ZFHX4: variants seen among roughly 807,000 people sequenced by gnomAD.
ZFHX4 encodes zinc finger homeobox protein 4.
Under a neutral mutation model 267.6 loss-of-function variants are expected in ZFHX4, and 56 were observed. That is an observed-to-expected ratio of 0.21 (90% confidence interval 0.17 to 0.26). The LOEUF is 0.26. ZFHX4 is among the 10% of genes least tolerant of loss of function. ZFHX4 has a pLI of 1.00. For synonymous variants in ZFHX4, 1,778 were observed against 1,665.6 expected, an observed-to-expected ratio of 1.07 and a Z score of -1.64; for missense variants, 4,332 against 4,420.0, an observed-to-expected ratio of 0.98 and a Z score of 0.56.
At position 76,706,140 on chromosome 8, in the gene ZFHX4, C is replaced by G; in HGVS notation, c.2052C>G (p.Pro684=). 1 of 1,613,936 alleles carries G rather than the reference C, an allele frequency of 6.2e-7. No homozygotes were observed. The highest frequency in any genetic ancestry group is 8.5e-7 in the Non-Finnish European group (1 of 1,179,906). Reference sequence around the variant, plus strand: ...ATTGTAAGACTGGACAGCCTCACCCCAGGCTTGCCCGGGGTGAGAGTTACA... The same window carrying G: ...ATTGTAAGACTGGACAGCCTCACCCGAGGCTTGCCCGGGGTGAGAGTTACA... ...CVYCKTGQPH[P]RLARGESYTC... is the part of the protein sequence containing the mutation. Residue 684 remains proline, a synonymous_variant, in exon 2 of 11, where the codon CCC becomes CCG. Transcript: ENST00000651372.
chr8:76,726,007 G>A (rs564454016), intron 3 of ZFHX4, among the ~76,000 whole-genome samples: 37 of 152,260 alleles, frequency 2.4e-4, no homozygotes, highest in Non-Finnish European at 4.1e-4. Flanking sequence ...GGGGCAGTTT[G>A]TTGTAACATA....
intron 6 of ZFHX4, among the ~76,000 whole-genome samples, chr8:76,847,218 A>G (rs2131928529): frequency 6.6e-6 from 1 of 152,286 alleles, no homozygotes; most frequent in East Asian, 1.9e-4. Context: ...TCCAAAGTAT[A>G]TTCAGCTTTG....
chr8:76,722,361 T>A (rs1808744145), intron 3 of ZFHX4, among the ~76,000 whole-genome samples: 1 of 152,176 alleles, frequency 6.6e-6, no homozygotes, highest in Non-Finnish European at 1.5e-5. Flanking sequence ...TCAGTATTTA[T>A]GTCTATGAAC....
chr8:76,819,453 A>G (rs1270225735), intron 4 of ZFHX4, among the ~76,000 whole-genome samples: 2 of 152,174 alleles, frequency 1.3e-5, no homozygotes, highest in Admixed American at 6.5e-5. Flanking sequence ...TAAGTGTTCA[A>G]TATGTACTCC....
chr8:76,746,258 T>G (rs901827122), intron 3 of ZFHX4, among the ~76,000 whole-genome samples: 2 of 152,054 alleles, frequency 1.3e-5, no homozygotes, highest in Non-Finnish European at 2.9e-5. Context: ...ATTAAAAAAA[T>G]TAGCTGGGTA....
At chr8:76,729,823 C>T (rs1302079393) in intron 3 of ZFHX4, among the ~76,000 whole-genome samples, 1 of 152,134 alleles carries the variant, frequency 6.6e-6, no homozygotes, top group African/African-American at 2.4e-5. Context: ...TGCTTGCAGC[C>T]AGCCTGTATG....
chr8:76,794,668 C>T (rs1810924907), intron 4 of ZFHX4, among the ~76,000 whole-genome samples: 1 of 152,154 alleles, frequency 6.6e-6, no homozygotes, highest in South Asian at 2.1e-4. Context: ...ATTCTCCTTT[C>T]ACTTTTTAGA....
At chr8:76,838,950 G>A (rs2131905872) in intron 5 of ZFHX4, among the ~76,000 whole-genome samples, 1 of 152,068 alleles carries the variant, frequency 6.6e-6, no homozygotes, top group East Asian at 1.9e-4. Flanking sequence ...AGCCACTTGG[G>A]AGGCTGAGGT....
intron 3 of ZFHX4, among the ~76,000 whole-genome samples, chr8:76,719,248 A>G (rs978394708): frequency 2.0e-5 from 3 of 151,494 alleles, no homozygotes; most frequent in Non-Finnish European, 4.4e-5. Context: ...ATTAAAATTG[A>G]TGAAGATTAT....
At chr8:76,830,607 G>A (rs1309830798) in intron 4 of ZFHX4, among the ~76,000 whole-genome samples, 1 of 152,090 alleles carries the variant, frequency 6.6e-6, no homozygotes, top group Non-Finnish European at 1.5e-5. Flanking sequence ...TTTGTATGAA[G>A]AGATAAACAT....
chr8:76,852,150 A>G lies in ZFHX4; in HGVS notation c.5229A>G (p.Ile1743Met). The G allele has an allele frequency of 6.2e-7, 1 of 1,613,886 alleles. No individual in the cohort carries two copies. The highest frequency in any genetic ancestry group is 8.5e-7 in the Non-Finnish European group (1 of 1,179,870). ...QQPQFLFPFY[I>M]PGTEFSLGPD... Reference sequence around the variant, plus strand: ...CTCAGTTTCTCTTTCCATTTTATATACCTGGGACGGAGTTCAGCTTGGGGC... The same window carrying G: ...CTCAGTTTCTCTTTCCATTTTATATGCCTGGGACGGAGTTCAGCTTGGGGC... The change falls in exon 10 of 11, where the codon ATA becomes ATG. Residue 1743 changes from isoleucine (I) to methionine (M), a missense_variant. By Grantham distance (10) the Ile-to-Met change is conservative. Coordinates refer to ENST00000651372, the MANE Select transcript of ZFHX4 (RefSeq NM_024721.5).
At chr8:76,825,987 A>G (rs1811775335) in intron 4 of ZFHX4, among the ~76,000 whole-genome samples, 1 of 152,176 alleles carries the variant, frequency 6.6e-6, no homozygotes, top group Non-Finnish European at 1.5e-5. Flanking sequence ...CCGTTTTTGC[A>G]TCACTCTGAA....
Position 76,724,978 on chromosome 8 carries a change from T to C in ZFHX4, c.3093+16930T>C, listed in dbSNP as rs185853615. Among the ~76,000 whole-genome samples, 564 of 152,204 alleles carry C rather than the reference T, an allele frequency of 3.7e-3. 7 individuals carry two copies. Among genetic ancestry groups the C allele is most frequent in the African/African-American group, 0.013 (528 of 41,546 alleles). ...TATATTTTCTCTCTGTCTGTGTAGA[T>C]TTGGATATAAGTGTGTGTGTACAGG... On this transcript the variant is annotated intron_variant, in intron 3 of 10. Coordinates refer to ENST00000651372, the MANE Select transcript of ZFHX4 (RefSeq NM_024721.5).
intron 1 of ZFHX4, among the ~76,000 whole-genome samples, chr8:76,691,525 GTTTCTTT>G (rs1336539807): frequency 6.6e-6 from 1 of 151,866 alleles, no homozygotes; most frequent in Non-Finnish European, 1.5e-5. Context: ...GCGTACTTTG[GTTTCTTT>G]TTTCTTTTTA....
At position 76,822,455 on chromosome 8, in the gene ZFHX4, T is replaced by TG. The variant is rs1237378971; in HGVS notation, c.3326-10883_3326-10882insG. 2.1e-5 allele frequency among the ~76,000 whole-genome samples: 3 copies of TG among 145,884 alleles called. No homozygotes were observed. The East Asian group carries it at 5.9e-4, about 29-fold the overall frequency. ...CTATCTGATCCTGTGTCTACCTCTT[T>TG]TTTTTTTTTTTTTTTTTTTGAGATG... On this transcript the variant is annotated intron_variant, in intron 4 of 10. Transcript: ENST00000651372.
At chr8:76,730,194 C>A (rs866223503) in intron 3 of ZFHX4, among the ~76,000 whole-genome samples, 1 of 152,094 alleles carries the variant, frequency 6.6e-6, no homozygotes, top group East Asian at 1.9e-4. Flanking sequence ...AAACCATCCC[C>A]CAAAGAGGTC....
intron 9 of ZFHX4, 100 bp downstream of exon 9, chr8:76,850,462 G>T (rs1293619362): frequency 3.1e-6 from 3 of 980,196 alleles, no homozygotes; most frequent in Non-Finnish European, 3.0e-6. Context: ...TTTTCGTAAA[G>T]CATAGGGGAA....
rs370743952 is a variant in ZFHX4, at chr8:76,706,477, C to T, written c.2389C>T (p.Leu797Phe). 1.9e-6 allele frequency: 3 copies of T among 1,613,908 alleles called. No homozygotes were observed. Among genetic ancestry groups the T allele is most frequent in the African/African-American group, 1.3e-5 (1 of 74,934 alleles). ...CGAAAAGCACATGCATAATATGATG[C>T]TTTTGCAGCAGAACATGAAGCAGAT... ...TSEKHMHNMMLLQQNMKQIQH... is the reference protein window; with the variant it reads ...TSEKHMHNMMFLQQNMKQIQH... Residue 797 changes from leucine to phenylalanine, a missense_variant, in exon 2 of 11, where the codon CTT becomes TTT. By Grantham distance (22) the Leu-to-Phe change is conservative. This residue lies in a region of ZFHX4 where 1,195 missense variants were observed against 1,173.6 expected (regional missense o/e 1.02). Coordinates refer to ENST00000651372, the MANE Select transcript of ZFHX4 (RefSeq NM_024721.5).
chr8:76,705,839 G>C lies in ZFHX4; in HGVS notation c.1751G>C (p.Ser584Thr), dbSNP rs577863838. 1.7e-5 allele frequency: 28 copies of C among 1,613,920 alleles called. No individual in the cohort carries two copies. In the African/African-American group the frequency reaches 3.2e-4, roughly 18 times the overall value. Reference protein sequence around the residue: ...PSEIARGDEDSSATPHQHGFT... With the variant: ...PSEIARGDEDTSATPHQHGFT... The stretch of plus-strand genomic sequence containing the variant: ...GAAATAGCCCGGGGAGACGAAGACA[G>C]TTCAGCCACTCCTCACCAGCATGGC... Residue 584 changes from serine (S) to threonine (T), a missense_variant, in exon 2 of 11, where the codon AGT becomes ACT. By Grantham distance (58) the Ser-to-Thr change is moderately conservative. Around this residue, in one of 7 missense-constraint regions of ZFHX4, gnomAD observed 1,195 missense variants for 1,173.6 expected, o/e 1.02. Coordinates refer to ENST00000651372, the MANE Select transcript of ZFHX4 (RefSeq NM_024721.5).
Sources: allele counts gnomAD v4.1 joint callset (sites outside exome capture counted in the v4.1 genomes callset), GRCh38; gene constraint gnomAD v4.1.1; regional missense constraint gnomAD v4.1.1; transcripts MANE v1.5; gene names NCBI Gene and HGNC (gene_info 2026-07-23, HGNC 2026-07-21).